Variants in CDK19 observed in about 807,000 individuals in gnomAD.
CDK19 encodes the protein cyclin-dependent kinase 19.
A neutral mutation model predicts 68.3 loss-of-function variants in CDK19; 20 were observed. That is an observed-to-expected ratio of 0.29 (90% CI 0.21 to 0.43). CDK19 has a LOEUF of 0.43. Among genes scored for constraint, CDK19 ranks in the 20% least tolerant of loss-of-function variants. The probability of loss-of-function intolerance (pLI) is 1.00; values close to 1 mark genes in which losing one functional copy is unlikely to be tolerated. For missense variants in CDK19, 339 were observed against 623.5 expected (o/e 0.54, Z 4.86); for synonymous variants, 221 against 222.8 (o/e 0.99, Z 0.07).
chr6:110,655,998 T>C (rs1043157736), intron 4 of CDK19, among the ~76,000 whole-genome samples: 7 of 152,226 alleles, frequency 4.6e-5, no homozygotes, highest in Non-Finnish European at 7.3e-5. Flanking sequence ...TATGCCCTTA[T>C]TCATACTCCT....
At chr6:110,738,355 CAAA>C (rs200305300) in intron 2 of CDK19, among the ~76,000 whole-genome samples, 1 of 127,834 alleles carries the variant, frequency 7.8e-6, no homozygotes, top group African/African-American at 2.9e-5. Flanking sequence ...GCTAAAAATA[CAAA>C]AAAAAAAAAA....
chr6:110,782,245 C>T (rs1283155621), intron 1 of CDK19, among the ~76,000 whole-genome samples: 1 of 152,184 alleles, frequency 6.6e-6, no homozygotes, highest in Non-Finnish European at 1.5e-5. Context: ...CTATTTGTCC[C>T]TTTTATGCCT....
intron 4 of CDK19, among the ~76,000 whole-genome samples, chr6:110,641,024 G>A (rs1195460160): frequency 6.6e-6 from 1 of 152,144 alleles, no homozygotes; most frequent in African/African-American, 2.4e-5. Flanking sequence ...AGCCAGAGGA[G>A]TGAGAAGAGG....
intron 1 of CDK19, among the ~76,000 whole-genome samples, chr6:110,755,590 T>A (rs548999959): frequency 6.6e-6 from 1 of 152,210 alleles, no homozygotes; most frequent in African/African-American, 2.4e-5. Flanking sequence ...CAGAAACGTG[T>A]GGACAAAGTC....
At chr6:110,746,770 G>C (rs1778104518) in intron 1 of CDK19, among the ~76,000 whole-genome samples, 1 of 152,150 alleles carries the variant, frequency 6.6e-6, no homozygotes, top group Admixed American at 6.5e-5. Flanking sequence ...TCATTCTCAG[G>C]AACACTAGGA....
At chr6:110,677,021 CT>C (rs563434378) in intron 2 of CDK19, among the ~76,000 whole-genome samples, 172 of 152,298 alleles carry the variant, frequency 1.1e-3, no homozygotes, top group Non-Finnish European at 1.7e-3. Context: ...ACCTCTTATG[CT>C]TTTTCTACCC....
intron 1 of CDK19, among the ~76,000 whole-genome samples, chr6:110,761,140 G>GT (rs1462090737): frequency 6.6e-6 from 1 of 152,056 alleles, no homozygotes; most frequent in Non-Finnish European, 1.5e-5. Flanking sequence ...ATAGGAGGGG[G>GT]TCTCATTTTG....
At chr6:110,815,653 T>C (rs1395855340), upstream of CDK19, 1 of 152,762 alleles carries the variant, frequency 6.5e-6, no homozygotes, top group Non-Finnish European at 1.5e-5. Flanking sequence ...AGCGCACGGC[T>C]CCCGGTTCCT....
At chr6:110,676,529 G>A (rs1771550832) in intron 2 of CDK19, among the ~76,000 whole-genome samples, 1 of 152,138 alleles carries the variant, frequency 6.6e-6, no homozygotes, top group Non-Finnish European at 1.5e-5. Context: ...GTTCATTGAT[G>A]CAGCAAACTG....
chr6:110,802,714 T>C (rs920415811), intron 1 of CDK19, among the ~76,000 whole-genome samples: 3 of 152,142 alleles, frequency 2.0e-5, no homozygotes, highest in East Asian at 1.9e-4. Context: ...AAAATTCACA[T>C]TGACATCAGA....
chr6:110,706,999 T>TA (rs35488029), intron 2 of CDK19: 39,256 of 132,106 alleles, frequency 0.3, 6,146 homozygotes, highest in African/African-American at 0.34. Flanking sequence ...CTTTTACAGT[T>TA]AAAAAAAAAA....
intron 1 of CDK19, among the ~76,000 whole-genome samples, chr6:110,797,928 T>A (rs12529725): frequency 5.0e-5 from 7 of 139,636 alleles, no homozygotes; most frequent in Admixed American, 7.8e-5. Flanking sequence ...GAGGCTGCAG[T>A]GAGCCAAGAT....
At position 110,695,722 on chromosome 6, in the gene CDK19, T is replaced by G. The variant is rs186888217; in HGVS notation, c.205-25181A>C. On this transcript the variant is annotated intron_variant, in intron 2 of 12. Coordinates refer to ENST00000368911, the MANE Select transcript of CDK19 (RefSeq NM_015076.5). ...TTCAAGGCTACTATGAACACCTTTATGCGCACAAAGTAGAAAACCTAGAGG... is the reference window on the plus strand; with the variant it reads ...TTCAAGGCTACTATGAACACCTTTAGGCGCACAAAGTAGAAAACCTAGAGG... Among the ~76,000 whole-genome samples, 44 of 152,220 alleles carry G rather than the reference T, an allele frequency of 2.9e-4. No individual in the cohort carries two copies. In the East Asian group the frequency reaches 8.3e-3, roughly 29 times the overall value.
chr6:110,785,922 G>A (rs540588094), intron 1 of CDK19, among the ~76,000 whole-genome samples: 5 of 151,816 alleles, frequency 3.3e-5, no homozygotes, highest in Admixed American at 1.3e-4. Flanking sequence ...AGAGATTGTC[G>A]TGAGTCGAGA....
intron 4 of CDK19, among the ~76,000 whole-genome samples, chr6:110,656,527 T>C (rs1196522530): frequency 6.6e-6 from 1 of 152,268 alleles, no homozygotes; most frequent in Non-Finnish European, 1.5e-5. Flanking sequence ...CAACTATATG[T>C]AGGCTATCTG....
At chr6:110,646,324 G>C (rs768388975) in intron 4 of CDK19, 6 of 1,482,338 alleles carry the variant, frequency 4.0e-6, no homozygotes, top group Non-Finnish European at 5.4e-6. Context: ...CTGCGCGAAC[G>C]GGCCCACGAC....
At chr6:110,694,426 T>C (rs774227373) in intron 2 of CDK19, among the ~76,000 whole-genome samples, 26 of 152,340 alleles carry the variant, frequency 1.7e-4, no homozygotes, top group South Asian at 6.2e-4. Flanking sequence ...ACGGACATTA[T>C]ATAATGATAA....
At position 110,812,272 on chromosome 6, in the gene CDK19, C is replaced by A. The variant is rs373694587; in HGVS notation, c.128+2737G>T. ...AGCAGCTGGGACTACAAGTACCCGC[C>A]ACCATGCCCGGCTAATTCCTTTTGT... is the stretch of plus-strand genomic sequence containing the variant. On this transcript the variant is annotated intron_variant, in intron 1 of 12. Transcript: ENST00000368911. Among the ~76,000 whole-genome samples, 144 of 152,220 alleles carry A rather than the reference C, an allele frequency of 9.5e-4. 1 individual carries two copies. In the South Asian group the frequency reaches 0.017, roughly 18 times the overall value.
At chr6:110,715,547 G>A (rs540798706) in intron 2 of CDK19, among the ~76,000 whole-genome samples, 24 of 152,064 alleles carry the variant, frequency 1.6e-4, no homozygotes, top group African/African-American at 4.6e-4. Context: ...GTAGTGCTGC[G>A]GGGCATCTTG....
Sources: allele counts gnomAD v4.1 joint callset (sites outside exome capture counted in the v4.1 genomes callset), GRCh38; gene constraint gnomAD v4.1.1; transcripts MANE v1.5; gene names NCBI Gene and HGNC (gene_info 2026-07-23, HGNC 2026-07-21).